Variants in MAST4 observed in about 807,000 individuals in gnomAD.
MAST4 encodes microtubule-associated serine/threonine-protein kinase 4.
A neutral mutation model predicts 162.7 loss-of-function variants in MAST4; 89 were observed. That is an observed-to-expected ratio of 0.55 (90% CI 0.46 to 0.65). MAST4 has a LOEUF of 0.65. MAST4 is among the 30% of genes least tolerant of loss of function. MAST4 has a pLI of 0.00. For missense variants in MAST4, 3,153 were observed against 3,374.0 expected, an observed-to-expected ratio of 0.93 and a Z score of 1.62; for synonymous variants, 1,479 against 1,361.1, an observed-to-expected ratio of 1.09 and a Z score of -1.91.
chr5:66,883,044 A>T (rs977269814), intron 3 of MAST4, among the ~76,000 whole-genome samples: 2 of 152,232 alleles, frequency 1.3e-5, no homozygotes, highest in African/African-American at 2.4e-5. Flanking sequence ...ATCATAGTTT[A>T]AAAAATCATA....
At chr5:66,914,015 T>G (rs1763943537) in intron 4 of MAST4, among the ~76,000 whole-genome samples, 1 of 152,248 alleles carries the variant, frequency 6.6e-6, no homozygotes, top group South Asian at 2.1e-4. Context: ...CTGTCTTGAT[T>G]ATTATAGCTT....
chr5:66,903,443 T>TGC (rs1420902695), intron 4 of MAST4, among the ~76,000 whole-genome samples: 2 of 127,540 alleles, frequency 1.6e-5, no homozygotes, highest in African/African-American at 7.0e-5. Context: ...TGTGTTTGTG[T>TGC]GTGTGTGTGT....
At chr5:66,820,021 T>C (rs1270283416) in intron 3 of MAST4, among the ~76,000 whole-genome samples, 1 of 151,228 alleles carries the variant, frequency 6.6e-6, no homozygotes, top group East Asian at 1.9e-4. Flanking sequence ...TTACAAACTA[T>C]GTTGCCCAGG....
chr5:66,696,446 C>G (rs1364145060), intron 1 of MAST4, among the ~76,000 whole-genome samples: 1 of 152,080 alleles, frequency 6.6e-6, no homozygotes, highest in South Asian at 2.1e-4. Context: ...CTAGTCACAC[C>G]CACTCATTCA....
intron 4 of MAST4, among the ~76,000 whole-genome samples, chr5:67,024,540 T>A (rs914571214): frequency 1.3e-4 from 19 of 151,908 alleles, no homozygotes; most frequent in Non-Finnish European, 2.4e-4. Flanking sequence ...TAGAAAGGAT[T>A]GCGTTATCTT....
intron 1 of MAST4, among the ~76,000 whole-genome samples, chr5:66,744,975 T>C (rs568037133): frequency 1.3e-5 from 2 of 152,054 alleles, no homozygotes; most frequent in Non-Finnish European, 2.9e-5. Context: ...TCTGAAAAAA[T>C]GTACTAGGCT....
intron 1 of MAST4, among the ~76,000 whole-genome samples, chr5:66,673,697 T>G (rs1051797752): frequency 2.6e-5 from 4 of 152,130 alleles, no homozygotes; most frequent in African/African-American, 9.7e-5. Context: ...GGTTTCACCG[T>G]GTTGGCCAGG....
chr5:67,039,052 A>T lies in MAST4; in HGVS notation c.675-15352A>T, dbSNP rs12518430. 1.2e-3 allele frequency among the ~76,000 whole-genome samples: 186 copies of T among 152,184 alleles called. 2 individuals are homozygous for T. The highest frequency in any genetic ancestry group is 0.01 in the Middle Eastern group (3 of 294). On this transcript the variant is annotated intron_variant, in intron 4 of 28. Coordinates refer to ENST00000403625, the MANE Select transcript of MAST4 (RefSeq NM_001164664.2). ...GACCACAAAGCCAAAGGAATGACTC[A>T]CTTGGTAGCTATCGACAGGTTTTAT...
At chr5:67,061,181 T>C (rs1008772128) in intron 5 of MAST4, among the ~76,000 whole-genome samples, 3 of 151,824 alleles carry the variant, frequency 2.0e-5, no homozygotes, top group African/African-American at 7.3e-5. Flanking sequence ...TGTGTCCATC[T>C]GAACATGTGA....
chr5:67,135,762 A>C (rs1264660128), intron 18 of MAST4, among the ~76,000 whole-genome samples: 1 of 152,200 alleles, frequency 6.6e-6, no homozygotes, highest in East Asian at 1.9e-4. Context: ...TTTGTTCTTG[A>C]TGCCTTACGG....
intron 23 of MAST4, among the ~76,000 whole-genome samples, chr5:67,147,641 T>C (rs1228099485): frequency 6.6e-6 from 1 of 152,234 alleles, no homozygotes; most frequent in Non-Finnish European, 1.5e-5. Context: ...ATTTTATACT[T>C]GTCAGTGATC....
At chr5:66,897,386 G>C (rs1762752915) in intron 3 of MAST4, among the ~76,000 whole-genome samples, 1 of 152,214 alleles carries the variant, frequency 6.6e-6, no homozygotes, top group Non-Finnish European at 1.5e-5. Context: ...AAAATGACTT[G>C]ATGCCGTTCA....
chr5:67,137,029 T>C (rs1178753033), intron 19 of MAST4, among the ~76,000 whole-genome samples: 1 of 152,222 alleles, frequency 6.6e-6, no homozygotes, highest in Non-Finnish European at 1.5e-5. Context: ...GAGGATTCGA[T>C]ATTTGGAACT....
intron 1 of MAST4, among the ~76,000 whole-genome samples, chr5:66,684,391 CT>C (rs1379683489): frequency 5.4e-4 from 82 of 151,726 alleles, no homozygotes; most frequent in African/African-American, 1.9e-3. Flanking sequence ...ATGTTCTATT[CT>C]CAAAGAGTAC....
chr5:66,748,883 A>G (rs1752956699), intron 1 of MAST4, among the ~76,000 whole-genome samples: 2 of 151,690 alleles, frequency 1.3e-5, no homozygotes, highest in South Asian at 4.2e-4. Flanking sequence ...AGGTCCCAGG[A>G]TGGTGTGGTC....
rs551676064 is a variant in MAST4 at position 66,901,189 on chromosome 5, C to G, written c.674+1207C>G. 9.3e-4 allele frequency among the ~76,000 whole-genome samples: 142 copies of G among 152,088 alleles called. 3 individuals carry two copies. In the South Asian group the frequency reaches 0.028, roughly 30 times the overall value. On this transcript the variant is annotated intron_variant, in intron 4 of 28. Coordinates refer to ENST00000403625, the MANE Select transcript of MAST4 (RefSeq NM_001164664.2). The stretch of plus-strand genomic sequence containing the variant: ...ATGAAATACTTTTATAGAAAAAAAT[C>G]TTATTTTTTTGTACTTTTATTTAAG...
intron 4 of MAST4, among the ~76,000 whole-genome samples, chr5:66,960,617 A>G (rs1364667367): frequency 1.3e-5 from 2 of 152,200 alleles, no homozygotes; most frequent in Admixed American, 1.3e-4. Context: ...ACCCAGGGGC[A>G]TTAACCTCCC....
intron 1 of MAST4, among the ~76,000 whole-genome samples, chr5:66,653,769 T>C (rs999048214): frequency 2.0e-5 from 3 of 152,234 alleles, no homozygotes; most frequent in Non-Finnish European, 4.4e-5. Context: ...TATCCTCTGA[T>C]GGCTACAGTC....
At chr5:66,932,656 A>G (rs1398799498) in intron 4 of MAST4, among the ~76,000 whole-genome samples, 2 of 152,136 alleles carry the variant, frequency 1.3e-5, no homozygotes, top group Non-Finnish European at 2.9e-5. Flanking sequence ...TTTTCTCCAT[A>G]TTGGGGTTGG....
Sources: allele counts gnomAD v4.1 joint callset (sites outside exome capture counted in the v4.1 genomes callset), GRCh38; gene constraint gnomAD v4.1.1; transcripts MANE v1.5; gene names NCBI Gene and HGNC (gene_info 2026-07-23, HGNC 2026-07-21).